Variants in HOMER3 observed in about 807,000 individuals in gnomAD.
The protein encoded by HOMER3 is homer scaffold protein 3.
A neutral mutation model predicts 45.5 loss-of-function variants in HOMER3; 34 were observed. The ratio of observed to expected loss-of-function variants is 0.75; its 90% CI spans 0.57 to 1.00. The LOEUF (loss-of-function observed/expected upper bound fraction) is 1.00. Ranked by LOEUF, HOMER3 falls within the 50% of genes least tolerant of loss-of-function variation. The pLI, the probability that HOMER3 is intolerant of heterozygous loss-of-function variation, is 0.00. For synonymous variants in HOMER3, 223 were observed against 208.8 expected, an observed-to-expected ratio of 1.07 and a Z score of -0.58; for missense variants, 480 against 497.5, an observed-to-expected ratio of 0.96 and a Z score of 0.33.
intron 4 of HOMER3, among the ~76,000 whole-genome samples, chr19:18,936,848 A>C (rs10407590): frequency 0.42 from 64,280 of 151,390 alleles, 14,767 homozygotes; most frequent in Middle Eastern, 0.57. Context: ...AAAAATTAGC[A>C]GGGCGTGGTG....
At chr19:18,939,108 G>A (rs2057127496) in intron 1 of HOMER3, 59 bp from the exon 2 acceptor site, 6 of 974,266 alleles carry the variant, frequency 6.2e-6, no homozygotes, top group Non-Finnish European at 8.8e-6. Context: ...AGGCCAAGCA[G>A]GTTCCATCTC....
chr19:18,934,986 C>T (rs965740832), intron 4 of HOMER3, among the ~76,000 whole-genome samples: 1 of 151,500 alleles, frequency 6.6e-6, no homozygotes, highest in African/African-American at 2.4e-5. Flanking sequence ...GGATTACAGG[C>T]ATGCACCAGC....
intron 4 of HOMER3, among the ~76,000 whole-genome samples, chr19:18,937,000 CAAAA>C (rs758983070): frequency 1.1e-5 from 1 of 93,422 alleles, no homozygotes; most frequent in Non-Finnish European, 2.2e-5. Flanking sequence ...GACTCCGTCT[CAAAA>C]AAAAAAAAAA....
chr19:18,938,971 G>A lies in HOMER3; in HGVS notation c.12C>T (p.Ala4=). MST[A]REQPIFSTRA... ...GGCTGGGGGAGGTGGGAGCTCACCT[G>A]GCTGTGGACATTGGTCAGGCTGGGA... The change falls in exon 2 of 10, where the codon GCC becomes GCT. Residue 4 remains alanine (A), a splice_region_variant and synonymous_variant. Transcript: ENST00000392351. 6.3e-7 allele frequency: 1 copy of A among 1,597,816 alleles called. No homozygotes were observed. The highest frequency in any genetic ancestry group is 1.1e-5 in the South Asian group (1 of 87,864).
Position 18,929,482 on chromosome 19 carries a change from C to T in HOMER3, c.1047G>A (p.Leu349=). 2 of 1,597,466 alleles carry T rather than the reference C, an allele frequency of 1.3e-6. No homozygotes were observed. Among genetic ancestry groups the T allele is most frequent in the Non-Finnish European group, 1.7e-6 (2 of 1,174,598 alleles). The change falls in exon 10 of 10, where the codon CTG becomes CTA. Residue 349 remains leucine (L), a synonymous_variant. Coordinates refer to ENST00000392351, the MANE Select transcript of HOMER3 (RefSeq NM_004838.4). The stretch of plus-strand genomic sequence containing the variant: ...CAGCCAGGCGGGCCAGGCCCTCACG[C>T]AGCTCACTCAGCTCAAACAGGCTGA... ...LDVSLFELSE[L]REGLARLAEA...
chr19:18,935,695 C>G (rs1234852355), intron 4 of HOMER3, among the ~76,000 whole-genome samples: 1 of 152,150 alleles, frequency 6.6e-6, no homozygotes, highest in Non-Finnish European at 1.5e-5. Context: ...CCCCACCACC[C>G]CGGTTTTAAA....
At chr19:18,935,234 G>C (rs1471579460) in intron 4 of HOMER3, among the ~76,000 whole-genome samples, 4 of 149,870 alleles carry the variant, frequency 2.7e-5, no homozygotes, top group Non-Finnish European at 4.4e-5. Flanking sequence ...CTGCCTCCCA[G>C]GTTCAAGCGA....
In HOMER3 at chr19:18,929,448, G is replaced by T. The variant is rs767467617; in HGVS notation, c.1081C>A (p.Pro361Thr). 21 of 1,592,852 alleles carry T rather than the reference G, an allele frequency of 1.3e-5. No homozygotes were observed. The highest frequency in any genetic ancestry group is 1.8e-5 in the Admixed American group (1 of 55,786). ...CATAGAAAACCAGCCCCGGCTCAGG[G>T]CGCAGCCTCAGCCAGGCGGGCCAGG... Reference protein sequence around the residue: ...EGLARLAEAAP With the variant: ...EGLARLAEAAT The change falls in exon 10 of 10, where the codon CCC becomes ACC. Residue 361 changes from proline to threonine, a missense_variant. Transcript: ENST00000392351.
In HOMER3 at chr19:18,931,605, C is replaced by T. The variant is rs1376307510; in HGVS notation, c.711G>A (p.Gln237=). Residue 237 remains glutamine (Q), a synonymous_variant, in exon 8 of 10, where the codon CAG becomes CAA. Coordinates refer to ENST00000392351, the MANE Select transcript of HOMER3 (RefSeq NM_004838.4). ...LRQRVAELEA[Q]AASEVTPTGE... is the part of the protein sequence containing the mutation. ...CGGTGGGGGTCACCTCTGAAGCTGC[C>T]TGAGCCTCCAGCTCAGCCACCTGTA... 1 of 1,611,230 alleles carries T rather than the reference C, an allele frequency of 6.2e-7. No individual in the cohort carries two copies. Among genetic ancestry groups the T allele is most frequent in the African/African-American group, 1.3e-5 (1 of 74,890 alleles).
intron 9 of HOMER3, among the ~76,000 whole-genome samples, chr19:18,930,738 G>C (rs923384897): frequency 9.9e-5 from 15 of 151,192 alleles, no homozygotes; most frequent in African/African-American, 3.6e-4. Flanking sequence ...GCCCGGGCAC[G>C]GTGGCGCATG....
intron 4 of HOMER3, among the ~76,000 whole-genome samples, chr19:18,937,690 A>AG (rs2057108725): frequency 6.6e-6 from 1 of 151,446 alleles, no homozygotes; most frequent in African/African-American, 2.4e-5. Flanking sequence ...AAAAAAAAAA[A>AG]AGAAGAAGAT....
chr19:18,938,723 C>A lies in HOMER3; in HGVS notation c.171+5G>T. The A allele has an allele frequency of 1.3e-6, 2 of 1,586,860 alleles. No homozygotes were observed. Among genetic ancestry groups the A allele is most frequent in the South Asian group, 2.3e-5 (2 of 86,664 alleles). On this transcript the variant is annotated splice_donor_5th_base_variant and intron_variant, in intron 3 of 9. Transcript: ENST00000392351. ...GCCTCTGCCCCACCCAGACCCCACCCTGACCTTGGCGCCTCCGATGCTGAT... is the reference window on the plus strand; with the variant it reads ...GCCTCTGCCCCACCCAGACCCCACCATGACCTTGGCGCCTCCGATGCTGAT...
chr19:18,932,085 T>C lies in HOMER3; in HGVS notation c.581A>G (p.Asp194Gly). The part of the protein sequence containing the change: ...QWEAEFFALQ[D>G]SNNKLAGALR... ...GGCGCCTGCCAGCTTGTTGTTGCTGTCCTGCAGTGCGAAAAACTCGGCCTC... is the reference window on the plus strand; with the variant it reads ...GGCGCCTGCCAGCTTGTTGTTGCTGCCCTGCAGTGCGAAAAACTCGGCCTC... Residue 194 changes from aspartate (D) to glycine (G), a missense_variant, in exon 7 of 10, where the codon GAC (aspartate) becomes GGC (glycine). Transcript: ENST00000392351. 1 of 1,569,608 alleles carries C rather than the reference T, an allele frequency of 6.4e-7. No individual in the cohort carries two copies. The highest frequency in any genetic ancestry group is 1.2e-5 in the South Asian group (1 of 85,542).
rs937949621 is a variant in HOMER3 at position 18,929,390 on chromosome 19, G to C, written c.*53C>G. 6.4e-7 allele frequency: 1 copy of C among 1,561,450 alleles called. No individual in the cohort carries two copies. Among genetic ancestry groups the C allele is most frequent in the Non-Finnish European group, 8.7e-7 (1 of 1,148,448 alleles). On this transcript the variant is annotated 3_prime_UTR_variant, in exon 10 of 10. Coordinates refer to ENST00000392351, the MANE Select transcript of HOMER3 (RefSeq NM_004838.4). The stretch of plus-strand genomic sequence containing the variant: ...ACGAATGGGCCCAACTATGCCGCCT[G>C]CAGCCTGGCCCGCATCCCAGGCCGG...
chr19:18,929,396 T>C lies in HOMER3; in HGVS notation c.*47A>G, dbSNP rs1326996566. ...GGGCCCAACTATGCCGCCTGCAGCCTGGCCCGCATCCCAGGCCGGAATCGT... is the reference window on the plus strand; with the variant it reads ...GGGCCCAACTATGCCGCCTGCAGCCCGGCCCGCATCCCAGGCCGGAATCGT... On this transcript the variant is annotated 3_prime_UTR_variant, in exon 10 of 10. Coordinates refer to ENST00000392351, the MANE Select transcript of HOMER3 (RefSeq NM_004838.4). 1.3e-6 allele frequency: 2 copies of C among 1,557,840 alleles called. No homozygotes were observed. The highest frequency in any genetic ancestry group is 1.8e-5 in the Admixed American group (1 of 55,512).
At chr19:18,929,786 G>C in intron 9 of HOMER3, 152 bp from the exon 10 acceptor site, 3 of 576,372 alleles carry the variant, frequency 5.2e-6, no homozygotes, top group Non-Finnish European at 8.8e-6. Context: ...ACCCCACAGG[G>C]GCCTAGCTTC....
chr19:18,935,373 T>G (rs576366572), intron 4 of HOMER3, among the ~76,000 whole-genome samples: 2 of 152,176 alleles, frequency 1.3e-5, no homozygotes, highest in African/African-American at 4.8e-5. Context: ...CCTGACCCCG[T>G]GATCCACCCA....
Position 18,929,565 on chromosome 19 carries a change from G to C in HOMER3, c.964C>G (p.Arg322Gly), listed in dbSNP as rs775391920. Residue 322 changes from arginine to glycine, a missense_variant, in exon 10 of 10, where the codon CGG becomes GGG. Transcript: ENST00000392351. Reference protein sequence around the residue: ...RAMERSLEEARAERERARAEV... With the variant: ...RAMERSLEEAGAERERARAEV... The stretch of plus-strand genomic sequence containing the variant: ...GCCCGCGCCCGCTCCCGCTCTGCCC[G>C]TGCCTCCTCCAGGCTGCGCTCCATC... 21 of 1,550,248 alleles carry C rather than the reference G, an allele frequency of 1.4e-5. No individual in the cohort carries two copies. The highest frequency in any genetic ancestry group is 1.8e-5 in the Non-Finnish European group (21 of 1,148,658).
chr19:18,932,294 C>T (rs1186447792), intron 6 of HOMER3, among the ~76,000 whole-genome samples, 162 bp from the exon 7 acceptor site: 42 of 49,460 alleles, frequency 8.5e-4, no homozygotes, highest in African/African-American at 3.1e-3. Flanking sequence ...GACTAGGGGG[C>T]GGGGCAGGGG....
Sources: gnomAD v4.1 joint callset for allele counts (sites outside exome capture counted in the v4.1 genomes callset) on GRCh38, gnomAD v4.1.1 for gene constraint, MANE v1.5 for transcripts, NCBI Gene and HGNC (gene_info 2026-07-23, HGNC 2026-07-21) for gene names.